SLC39A11: variants seen among roughly 807,000 people sequenced by gnomAD.
The protein encoded by SLC39A11 is zinc transporter ZIP11.
In SLC39A11, 33 loss-of-function variants were observed where a neutral mutation model predicts 36.1. The ratio of observed to expected loss-of-function variants is 0.91; its 90% CI spans 0.69 to 1.22. The LOEUF is 1.22. Among genes scored for constraint, SLC39A11 ranks in the 50% most tolerant of loss-of-function variants. The pLI, the probability that SLC39A11 is intolerant of heterozygous loss-of-function variation, is 0.00. For missense variants in SLC39A11, 432 were observed against 430.3 expected (o/e 1.00, Z -0.03); for synonymous variants, 166 against 170.3 (o/e 0.97, Z 0.20).
chr17:72,938,389 G>T (rs2147557196), intron 5 of SLC39A11, among the ~76,000 whole-genome samples: 1 of 152,260 alleles, frequency 6.6e-6, no homozygotes, highest in African/African-American at 2.4e-5. Flanking sequence ...CCTTCTCGAA[G>T]GCTGACTATT....
chr17:72,670,162 C>T lies in SLC39A11; in HGVS notation c.672-20894G>A, dbSNP rs1279609685. On this transcript the variant is annotated intron_variant, in intron 7 of 9. Transcript: ENST00000255559. ...TATACACACACACACATTTTATATA[C>T]ACACACACACACACACACACACACA... 5.0e-3 allele frequency among the ~76,000 whole-genome samples: 33 copies of T among 6,536 alleles called. 1 individual carries two copies. The highest frequency in any genetic ancestry group is 0.016 in the Admixed American group (9 of 548). The allele number at this position is 6,536 out of a possible 152,430, so 4.3% of individuals were successfully genotyped here.
At chr17:72,879,253 G>A (rs1339257777) in intron 5 of SLC39A11, among the ~76,000 whole-genome samples, 4 of 152,182 alleles carry the variant, frequency 2.6e-5, no homozygotes, top group African/African-American at 9.7e-5. Flanking sequence ...CAGGAGGTGA[G>A]ATTGAAAGTC....
At chr17:72,696,734 C>T (rs549202477) in intron 7 of SLC39A11, among the ~76,000 whole-genome samples, 3 of 152,294 alleles carry the variant, frequency 2.0e-5, no homozygotes, top group South Asian at 2.1e-4. Flanking sequence ...CCTTTATGAA[C>T]CTGCTTTTAA....
At chr17:72,781,557 G>A (rs2076320473) in intron 6 of SLC39A11, among the ~76,000 whole-genome samples, 1 of 152,042 alleles carries the variant, frequency 6.6e-6, no homozygotes, top group Admixed American at 6.5e-5. Context: ...CCGAGTGGCT[G>A]GGATTACAGG....
chr17:73,052,060 C>T (rs187325957), intron 3 of SLC39A11, among the ~76,000 whole-genome samples: 21 of 151,890 alleles, frequency 1.4e-4, no homozygotes, highest in Non-Finnish European at 2.1e-4. Context: ...ACAAAATGAG[C>T]TCATCTGTGT....
intron 5 of SLC39A11, among the ~76,000 whole-genome samples, chr17:72,891,351 G>A (rs961948233): frequency 6.6e-6 from 1 of 152,124 alleles, no homozygotes; most frequent in Admixed American, 6.6e-5. Context: ...AACCCGGGAG[G>A]TGATTTGGAC....
At position 72,989,588 on chromosome 17, in the gene SLC39A11, T is replaced by C. The variant is rs566262283; in HGVS notation, c.307-41713A>G. ...CATCTACCGTTCCAAGAAATTATCA[T>C]TGTATTTGGGAAGTATGTTCATTTA... On this transcript the variant is annotated intron_variant, in intron 4 of 9. Transcript: ENST00000255559. Among the ~76,000 whole-genome samples the C allele has an allele frequency of 3.9e-5, 6 of 152,348 alleles. No individual in the cohort carries two copies. The South Asian group carries it at 1.0e-3, about 26-fold the overall frequency.
chr17:72,884,193 G>A (rs988953787), intron 5 of SLC39A11, among the ~76,000 whole-genome samples: 1 of 152,050 alleles, frequency 6.6e-6, no homozygotes, highest in Non-Finnish European at 1.5e-5. Flanking sequence ...CCTTATAAAG[G>A]ACCACAGTGC....
At chr17:73,089,203 G>A (rs2060843641) in intron 1 of SLC39A11, among the ~76,000 whole-genome samples, 1 of 152,048 alleles carries the variant, frequency 6.6e-6, no homozygotes, top group Admixed American at 6.6e-5. Context: ...ACTAGCTCAG[G>A]TGATGTCAAC....
chr17:72,759,130 A>AAAT (rs2075475448), intron 6 of SLC39A11, among the ~76,000 whole-genome samples: 1 of 143,432 alleles, frequency 7.0e-6, no homozygotes, highest in African/African-American at 2.8e-5. Flanking sequence ...TAATAATAAT[A>AAAT]AATAATCTTG....
chr17:72,710,993 T>G (rs567321119), intron 7 of SLC39A11, among the ~76,000 whole-genome samples: 6 of 152,226 alleles, frequency 3.9e-5, no homozygotes, highest in Non-Finnish European at 8.8e-5. Flanking sequence ...TTTAAAGCCC[T>G]TTAGTGTCTC....
chr17:73,090,779 T>C (rs1326765080), intron 1 of SLC39A11, among the ~76,000 whole-genome samples: 1 of 152,088 alleles, frequency 6.6e-6, no homozygotes. Flanking sequence ...GTTAGTGGGA[T>C]AGGGAAACAC....
intron 6 of SLC39A11, among the ~76,000 whole-genome samples, chr17:72,804,138 G>T (rs901155470): frequency 6.6e-6 from 1 of 152,092 alleles, no homozygotes; most frequent in Admixed American, 6.5e-5. Flanking sequence ...TGGGACTACA[G>T]GCGCCCGCCA....
intron 6 of SLC39A11, among the ~76,000 whole-genome samples, chr17:72,780,467 G>A (rs1310105381): frequency 1.4e-5 from 2 of 138,132 alleles, no homozygotes; most frequent in East Asian, 2.3e-4. Flanking sequence ...CAATGTGAGG[G>A]TATTAATTCC....
rs1567911798 is a variant in SLC39A11 at position 72,900,121 on chromosome 17, G to GAAAGA, written c.430+47630_430+47631insTCTTT. Among the ~76,000 whole-genome samples, 140 of 118,790 alleles carry GAAAGA rather than the reference G, an allele frequency of 1.2e-3. 13 individuals carry two copies. Among genetic ancestry groups the GAAAGA allele is most frequent in the African/African-American group, 4.6e-3 (124 of 27,174 alleles). 77.9% of individuals were successfully genotyped at this position (118,790 alleles called of 152,430 possible). A position where few individuals can be genotyped will look rare whatever the true frequency, so the allele number is the denominator to read the frequency against. On this transcript the variant is annotated intron_variant, in intron 5 of 9. Coordinates refer to ENST00000255559, the MANE Select transcript of SLC39A11 (RefSeq NM_139177.4). ...AAAGAAAGAAAGAAAAAGAAAGAAA[G>GAAAGA]AAAAGAAAGAAAGAAAGAAAAAGAA...
chr17:72,883,184 G>A (rs890011618), intron 5 of SLC39A11, among the ~76,000 whole-genome samples: 2 of 152,174 alleles, frequency 1.3e-5, no homozygotes, highest in Non-Finnish European at 2.9e-5. Context: ...AAGCATGGGC[G>A]CATGTGAGTG....
At chr17:72,688,798 A>G (rs1268785490) in intron 7 of SLC39A11, among the ~76,000 whole-genome samples, 1 of 152,184 alleles carries the variant, frequency 6.6e-6, no homozygotes, top group Non-Finnish European at 1.5e-5. Context: ...TCTGATGTAG[A>G]GGGGTCCAAG....
chr17:72,807,723 G>A lies in SLC39A11; in HGVS notation c.601+41911C>T, dbSNP rs1250672808. Reference sequence around the variant, plus strand: ...GCCTCTTTCCCTATAACTGCCCAATGCATCTCTTCCATCTGGCTGTTCCTG... The same window carrying A: ...GCCTCTTTCCCTATAACTGCCCAATACATCTCTTCCATCTGGCTGTTCCTG... On this transcript the variant is annotated intron_variant, in intron 6 of 9. Coordinates refer to ENST00000255559, the MANE Select transcript of SLC39A11 (RefSeq NM_139177.4). Among the ~76,000 whole-genome samples, 5 of 152,246 alleles carry A rather than the reference G, an allele frequency of 3.3e-5. 1 individual carries two copies. The highest frequency in any genetic ancestry group is 2.0e-4 in the Admixed American group (3 of 15,288).
intron 6 of SLC39A11, among the ~76,000 whole-genome samples, chr17:72,779,788 T>C (rs1598700347): frequency 6.6e-6 from 1 of 152,206 alleles, no homozygotes; most frequent in South Asian, 2.1e-4. Flanking sequence ...GAGAGGAACA[T>C]CTGAATCCAC....
Sources: gnomAD v4.1 joint callset for allele counts (sites outside exome capture counted in the v4.1 genomes callset) on GRCh38, gnomAD v4.1.1 for gene constraint, MANE v1.5 for transcripts, NCBI Gene and HGNC (gene_info 2026-07-23, HGNC 2026-07-21) for gene names.